EVC: variants seen among roughly 807,000 people sequenced by gnomAD.
EVC encodes the protein evC complex member EVC.
EVC carries 116 observed loss-of-function variants against 118.9 expected under a neutral mutation model. The observed-to-expected ratio is 0.98, with a 90% confidence interval of 0.84 to 1.14. The LOEUF (loss-of-function observed/expected upper bound fraction) is 1.14, where lower values mean the gene tolerates loss of function less well. Among genes scored for constraint, EVC ranks in the 50% most tolerant of loss-of-function variants. EVC has a pLI of 0.00. For synonymous variants in EVC, 619 were observed against 534.7 expected (o/e 1.16, Z -2.18); for missense variants, 1,401 against 1,246.4 (o/e 1.12, Z -1.87).
intron 11 of EVC, among the ~76,000 whole-genome samples, chr4:5,764,298 GT>G (rs1337084565): frequency 5.4e-5 from 7 of 129,106 alleles, no homozygotes; most frequent in African/African-American, 9.8e-5. Context: ...GCTGGATTCG[GT>G]TTGCCAGTAT....
rs570575808 is a variant in EVC, at chr4:5,808,072, C to T, written c.2562-129C>T. ...GAGCTGGGGCTGCTGTGAATGGTGC[C>T]CCCGATGGCCAGGCCCCTCTTGGGG... On this transcript the variant is annotated intron_variant, in intron 17 of 20. Transcript: ENST00000264956. The T allele has an allele frequency of 7.9e-4, 606 of 763,518 alleles. 1 individual carries two copies. Among genetic ancestry groups the T allele is most frequent in the Non-Finnish European group, 8.5e-4 (386 of 456,398 alleles). 47.3% of individuals were successfully genotyped at this position (763,518 alleles called of 1,614,324 possible). A position where few individuals can be genotyped will look rare whatever the true frequency, so the allele number is the denominator to read the frequency against.
At chr4:5,776,158 CTTTAT>C (rs1734692160) in intron 11 of EVC, among the ~76,000 whole-genome samples, 1 of 151,822 alleles carries the variant, frequency 6.6e-6, no homozygotes, top group Non-Finnish European at 1.5e-5. Context: ...TATTTTTCTC[CTTTAT>C]TCTGTTAATT....
chr4:5,723,027 G>A (rs989024820), intron 2 of EVC, among the ~76,000 whole-genome samples: 5 of 152,118 alleles, frequency 3.3e-5, no homozygotes, highest in South Asian at 4.1e-4. Flanking sequence ...GACCATGACC[G>A]TCCTTGGGCT....
intron 11 of EVC, among the ~76,000 whole-genome samples, chr4:5,766,977 C>G (rs1331020974): frequency 2.6e-5 from 4 of 151,490 alleles, no homozygotes; most frequent in Non-Finnish European, 5.9e-5. Context: ...GAGAGGCGCT[C>G]TGCTTTTTAG....
intron 2 of EVC, among the ~76,000 whole-genome samples, chr4:5,720,735 C>A (rs1577328495): frequency 6.6e-6 from 1 of 152,172 alleles, no homozygotes; most frequent in East Asian, 1.9e-4. Flanking sequence ...GCCTCTGCTG[C>A]TATCCCGGGA....
intron 11 of EVC, among the ~76,000 whole-genome samples, chr4:5,775,877 G>A (rs1436943032): frequency 6.6e-6 from 1 of 152,184 alleles, no homozygotes; most frequent in Non-Finnish European, 1.5e-5. Flanking sequence ...AGGTCAATTT[G>A]AGGAGAATTA....
chr4:5,712,869 T>G (rs550148145), intron 1 of EVC, among the ~76,000 whole-genome samples: 1 of 152,318 alleles, frequency 6.6e-6, no homozygotes, highest in South Asian at 2.1e-4. Flanking sequence ...TCCTGTGCAA[T>G]GTTTATAGAC....
In EVC at chr4:5,812,515, G is replaced by A. The variant is rs1237836864; in HGVS notation, c.*1478G>A. The A allele has an allele frequency of 5.8e-5, 8 of 136,850 alleles. No homozygotes were observed. Among genetic ancestry groups the A allele is most frequent in the African/African-American group, 1.5e-4 (5 of 33,748 alleles). The allele number at this position is 136,850 out of a possible 1,614,324, so 8.5% of individuals were successfully genotyped here. A position where few individuals can be genotyped will look rare whatever the true frequency, so the allele number is the denominator to read the frequency against. On this transcript the variant is annotated 3_prime_UTR_variant, in exon 21 of 21. Transcript: ENST00000264956. ...CCACACACCACAGCCAGGAGAGGCC[G>A]TTCCTGCCTGGAGAGAAGCTTCCAG...
At chr4:5,827,746 C>T in the EVC span, among the ~76,000 whole-genome samples, 2 of 152,056 alleles carry the variant, frequency 1.3e-5, no homozygotes, top group South Asian at 2.1e-4. Context: ...CACACACACA[C>T]ACACACACGA....
At chr4:5,786,840 C>G (rs558323226) in intron 12 of EVC, among the ~76,000 whole-genome samples, 136 of 150,024 alleles carry the variant, frequency 9.1e-4, no homozygotes, top group African/African-American at 3.1e-3. Flanking sequence ...CCACTGAACT[C>G]CAGCCTGGGT....
chr4:5,711,496 G>T lies in EVC; in HGVS notation c.116G>T (p.Gly39Val). 1 of 1,134,948 alleles carries T rather than the reference G, an allele frequency of 8.8e-7. No homozygotes were observed. Among genetic ancestry groups the T allele is most frequent in the Non-Finnish European group, 1.1e-6 (1 of 927,124 alleles). The allele number at this position is 1,134,948 out of a possible 1,614,324, so 70.3% of individuals were successfully genotyped here. ...GCCGTGCTGCTGGGCGCCGCGCTCG[G>T]CCTCGGCCTCGGCCTTTGGCTTGGC... ...APAVLLGAAL[G>V]LGLGLWLGCR... The change falls in exon 1 of 21, where the codon GGC becomes GTC. Residue 39 changes from glycine (G) to valine (V), a missense_variant. Physicochemically the swap from Gly to Val is moderately radical, Grantham distance 109. Transcript: ENST00000264956.
At chr4:5,741,537 A>G (rs561977212) in intron 5 of EVC, among the ~76,000 whole-genome samples, 179 bp from the exon 6 acceptor site, 2 of 152,350 alleles carry the variant, frequency 1.3e-5, no homozygotes, top group South Asian at 4.1e-4. Flanking sequence ...GGCCATTGTC[A>G]TGATTTATAA....
chr4:5,741,669 C>G (rs776182951), intron 5 of EVC, 47 bp from the exon 6 acceptor site: 3 of 1,129,848 alleles, frequency 2.7e-6, no homozygotes, highest in Non-Finnish European at 4.0e-6. Context: ...GACAAAAATA[C>G]CATTGATTAA....
Position 5,711,467 on chromosome 4 carries a change from C to T in EVC, c.87C>T (p.Ala29=), listed in dbSNP as rs959894908. 5 of 1,061,816 alleles carry T rather than the reference C, an allele frequency of 4.7e-6. No homozygotes were observed. Among genetic ancestry groups the T allele is most frequent in the African/African-American group, 3.4e-5 (2 of 58,536 alleles). The allele number at this position is 1,061,816 out of a possible 1,614,324, so 65.8% of individuals were successfully genotyped here. Residue 29 remains alanine (A), a synonymous_variant, in exon 1 of 21, where the codon GCC becomes GCT. Coordinates refer to ENST00000264956, the MANE Select transcript of EVC (RefSeq NM_153717.3). ...TGCGGCCGGCGCCCGCCCTGCTGGC[C>T]CCCGCCGTGCTGCTGGGCGCCGCGC... ...DALRPAPALL[A]PAVLLGAALG...
At chr4:5,805,912 A>ATTTT (rs1715820400) in intron 17 of EVC, among the ~76,000 whole-genome samples, 1 of 65,388 alleles carries the variant, frequency 1.5e-5, no homozygotes. Context: ...TTTTTTTTGA[A>ATTTT]GGAGTGACAG....
intron 11 of EVC, among the ~76,000 whole-genome samples, chr4:5,771,454 A>C (rs10008800): frequency 2.0e-5 from 3 of 151,932 alleles, no homozygotes; most frequent in African/African-American, 7.3e-5. Context: ...TCTTCTTTCC[A>C]TCTCAGGATC....
In EVC at chr4:5,749,293, C is replaced by T. The variant is rs1334881313; in HGVS notation, c.1098+987C>T. Among the ~76,000 whole-genome samples, 1 of 145,994 alleles carries T rather than the reference C, an allele frequency of 6.8e-6. No homozygotes were observed. The highest frequency in any genetic ancestry group is 6.9e-5 in the Admixed American group (1 of 14,562). ...GCCACATTGGAAGAAGAAGAATTGT[C>T]TTAGGCCACACATAAAATACATTAA... On this transcript the variant is annotated intron_variant, in intron 8 of 20. Coordinates refer to ENST00000264956, the MANE Select transcript of EVC (RefSeq NM_153717.3). The surrounding 1 kb of genome is among the most constrained non-coding windows in gnomAD (Gnocchi z 4.4).
chr4:5,778,369 G>T (rs12641159), intron 11 of EVC, among the ~76,000 whole-genome samples: 3 of 151,462 alleles, frequency 2.0e-5, no homozygotes, highest in Admixed American at 6.6e-5. Context: ...TGGGATGGCC[G>T]GGTCAAATGG....
intron 11 of EVC, among the ~76,000 whole-genome samples, chr4:5,757,691 T>C (rs567420408): frequency 3.3e-5 from 5 of 152,174 alleles, no homozygotes; most frequent in Non-Finnish European, 7.3e-5. Flanking sequence ...GTCTCTCCCT[T>C]TTCTTATAAG....
Sources: allele counts gnomAD v4.1 joint callset (sites outside exome capture counted in the v4.1 genomes callset), GRCh38; gene constraint gnomAD v4.1.1; non-coding constraint Gnocchi (gnomAD v3.1); transcripts MANE v1.5; gene names NCBI Gene and HGNC (gene_info 2026-07-23, HGNC 2026-07-21).